ANK3: variants seen among roughly 807,000 people sequenced by gnomAD.
ANK3 encodes ankyrin-3.
In ANK3, 57 loss-of-function variants were observed where a neutral mutation model predicts 370.9. The ratio of observed to expected loss-of-function variants is 0.15; its 90% CI spans 0.12 to 0.19. The LOEUF is 0.19. Among genes scored for constraint, ANK3 ranks in the 10% least tolerant of loss-of-function variants. The pLI, the probability that ANK3 is intolerant of heterozygous loss-of-function variation, is 1.00. For missense variants in ANK3, 4,439 were observed against 5,302.1 expected, an observed-to-expected ratio of 0.84 and a Z score of 5.06; for synonymous variants, 1,929 against 1,946.3, an observed-to-expected ratio of 0.99 and a Z score of 0.23.
At chr10:60,435,947 C>T (rs1267585212) in intron 2 of ANK3, among the ~76,000 whole-genome samples, 1 of 152,098 alleles carries the variant, frequency 6.6e-6, no homozygotes, top group Non-Finnish European at 1.5e-5. Flanking sequence ...ATTAGCCGGG[C>T]GCAGTGGCAG....
At chr10:60,089,660 G>T (rs973008087) in intron 28 of ANK3, among the ~76,000 whole-genome samples, 1 of 152,038 alleles carries the variant, frequency 6.6e-6, no homozygotes, top group Admixed American at 6.6e-5. Flanking sequence ...TATCTTATAT[G>T]ATATTAAGAT....
chr10:60,150,337 C>T (rs975008178), intron 23 of ANK3, among the ~76,000 whole-genome samples: 3 of 152,178 alleles, frequency 2.0e-5, no homozygotes, highest in Non-Finnish European at 4.4e-5. Context: ...CACCTCTTCC[C>T]AATCCCCATC....
intron 1 of ANK3, among the ~76,000 whole-genome samples, chr10:60,627,487 T>C (rs2078427819): frequency 6.6e-6 from 1 of 152,096 alleles, no homozygotes; most frequent in Non-Finnish European, 1.5e-5. Context: ...GTCTTAATGA[T>C]CAAGGCTAAT....
intron 8 of ANK3, among the ~76,000 whole-genome samples, chr10:60,223,774 T>C (rs2097098014): frequency 6.6e-6 from 1 of 152,206 alleles, no homozygotes; most frequent in Non-Finnish European, 1.5e-5. Flanking sequence ...AATTGGGATT[T>C]GATTTAAGGA....
intron 2 of ANK3, among the ~76,000 whole-genome samples, chr10:60,478,027 T>G (rs776890565): frequency 6.6e-6 from 1 of 152,064 alleles, no homozygotes; most frequent in Non-Finnish European, 1.5e-5. Context: ...TAAGTGAGAC[T>G]TCCTTTTAAT....
At position 60,093,834 on chromosome 10, in the gene ANK3, G is replaced by C. The variant is rs1334116371; in HGVS notation, c.3329-5476C>G. 2.0e-5 allele frequency among the ~76,000 whole-genome samples: 3 copies of C among 152,158 alleles called. 1 individual carries two copies. The South Asian group carries it at 6.2e-4, about 32-fold the overall frequency. ...ACTATATAAACAGAGAAGCTCCGAG[G>C]AGAAGCGATCAGTACCCTCCACATT... On this transcript the variant is annotated intron_variant, in intron 28 of 43. Coordinates refer to ENST00000280772, the MANE Select transcript of ANK3 (RefSeq NM_020987.5).
intron 37 of ANK3, 142 bp downstream of exon 37, chr10:60,068,495 A>G: frequency 1.1e-6 from 1 of 881,190 alleles, no homozygotes; most frequent in Non-Finnish European, 1.7e-6. Context: ...TGACATAATG[A>G]GAAACTACGG....
intron 2 of ANK3, among the ~76,000 whole-genome samples, chr10:60,584,941 T>A (rs10821797): frequency 2.0e-5 from 3 of 151,942 alleles, no homozygotes; most frequent in Non-Finnish European, 4.4e-5. Flanking sequence ...AAGGTCACTA[T>A]GTGGCTCTGG....
intron 21 of ANK3, among the ~76,000 whole-genome samples, chr10:60,168,668 G>A (rs1310398350): frequency 1.3e-5 from 2 of 152,062 alleles, no homozygotes; most frequent in Non-Finnish European, 2.9e-5. Flanking sequence ...ATTAAGCCTC[G>A]CATGCATGAG....
intron 1 of ANK3, among the ~76,000 whole-genome samples, chr10:60,309,231 C>T (rs771355290): frequency 4.6e-5 from 7 of 152,140 alleles, no homozygotes; most frequent in Non-Finnish European, 8.8e-5. Flanking sequence ...TTAGGAAAGC[C>T]ACTTTATTTC....
At chr10:60,722,676 G>A (rs936180889) in intron 1 of ANK3, among the ~76,000 whole-genome samples, 1 of 152,148 alleles carries the variant, frequency 6.6e-6, no homozygotes, top group Admixed American at 6.5e-5. Context: ...GGGGCCCGGT[G>A]GGAGGTATTT....
At chr10:60,105,255 A>G (rs1029259146) in intron 28 of ANK3, among the ~76,000 whole-genome samples, 16 of 151,882 alleles carry the variant, frequency 1.1e-4, no homozygotes, top group South Asian at 6.2e-4. Flanking sequence ...TCAAACACCT[A>G]TTCTCAAAAC....
At chr10:60,424,594 A>G (rs1434101434) in intron 2 of ANK3, among the ~76,000 whole-genome samples, 6 of 152,062 alleles carry the variant, frequency 3.9e-5, no homozygotes, top group Non-Finnish European at 5.9e-5. Context: ...AGAACCTTAC[A>G]ATTCCACCCT....
At chr10:60,502,886 AAG>A (rs72183950) in intron 2 of ANK3, among the ~76,000 whole-genome samples, 57,339 of 150,164 alleles carry the variant, frequency 0.38, 11,243 homozygotes, top group Middle Eastern at 0.42. Context: ...GAGGGAAAGA[AAG>A]AGAGAAAGAG....
intron 1 of ANK3, among the ~76,000 whole-genome samples, chr10:60,718,863 A>T (rs1248903661): frequency 6.6e-6 from 1 of 152,204 alleles, no homozygotes; most frequent in East Asian, 1.9e-4. Flanking sequence ...TATGCAAAGA[A>T]AAGATACCCA....
chr10:60,481,936 C>T (rs553091645), intron 2 of ANK3, among the ~76,000 whole-genome samples: 48 of 152,262 alleles, frequency 3.2e-4, no homozygotes, highest in African/African-American at 2.9e-4. Flanking sequence ...ACTCCCTGAG[C>T]GATATTCCTT....
intron 41 of ANK3, among the ~76,000 whole-genome samples, chr10:60,057,153 T>TTTCTC (rs779930314): frequency 1.6e-4 from 25 of 152,220 alleles, no homozygotes; most frequent in Non-Finnish European, 3.1e-4. Context: ...GAATCTCATT[T>TTTCTC]TTCTCTACTC....
chr10:60,348,345 G>A (rs1594252603), intron 1 of ANK3, among the ~76,000 whole-genome samples: 1 of 39,650 alleles, frequency 2.5e-5, no homozygotes, highest in African/African-American at 8.2e-5. Context: ...CCTATCACTA[G>A]CCAAAAAAAA....
intron 2 of ANK3, among the ~76,000 whole-genome samples, chr10:60,431,747 T>C (rs896556142): frequency 6.6e-6 from 1 of 152,140 alleles, no homozygotes; most frequent in Non-Finnish European, 1.5e-5. Flanking sequence ...TGTATACCTA[T>C]GTAATAAACC....
Sources: gnomAD v4.1 joint callset for allele counts (sites outside exome capture counted in the v4.1 genomes callset) on GRCh38, gnomAD v4.1.1 for gene constraint, MANE v1.5 for transcripts, NCBI Gene and HGNC (gene_info 2026-07-23, HGNC 2026-07-21) for gene names.